Variants in CRYM observed in about 807,000 individuals in gnomAD.
CRYM encodes the protein ketimine reductase mu-crystallin.
CRYM carries 18 observed loss-of-function variants against 32.9 expected under a neutral mutation model. The observed-to-expected ratio is 0.55, with a 90% confidence interval of 0.38 to 0.81. The LOEUF is 0.81. Ranked by LOEUF, CRYM falls within the 30% of genes least tolerant of loss-of-function variation. The probability of loss-of-function intolerance (pLI) is 0.00; values close to 1 mark genes in which losing one functional copy is unlikely to be tolerated. For synonymous variants in CRYM, 153 were observed against 152.4 expected (o/e 1.00, Z -0.03); for missense variants, 337 against 393.5 (o/e 0.86, Z 1.21).
chr16:21,265,671 T>C (rs2093362494), intron 5 of CRYM, among the ~76,000 whole-genome samples: 1 of 152,232 alleles, frequency 6.6e-6, no homozygotes, highest in Admixed American at 6.5e-5. Context: ...TCAGCATGTA[T>C]GATTGAATGC....
At chr16:21,293,476 C>T (rs1431719429) in intron 1 of CRYM, among the ~76,000 whole-genome samples, 1 of 152,136 alleles carries the variant, frequency 6.6e-6, no homozygotes, top group Non-Finnish European at 1.5e-5. Flanking sequence ...AAAAAAATCT[C>T]TGAGAACTAG....
Position 21,267,584 on chromosome 16 carries a change from C to T in CRYM, c.643G>A (p.Glu215Lys). The change falls in exon 5 of 8, where the codon GAA becomes AAA. Residue 215 changes from glutamate (E) to lysine (K), a missense_variant. Physicochemically the swap from Glu to Lys is moderately conservative, Grantham distance 56. Transcript: ENST00000572914. The part of the protein sequence containing the change: ...TLATEPILFG[E>K]WVKPGAHINA... Reference sequence around the variant, plus strand: ...ATGTGAGCCCCTGGCTTCACCCATTCACCAAACAAAATGGGCTCTGTTGCC... The same window carrying T: ...ATGTGAGCCCCTGGCTTCACCCATTTACCAAACAAAATGGGCTCTGTTGCC... The T allele has an allele frequency of 6.2e-7, 1 of 1,614,110 alleles. No homozygotes were observed. The highest frequency in any genetic ancestry group is 8.5e-7 in the Non-Finnish European group (1 of 1,180,030).
intron 1 of CRYM, among the ~76,000 whole-genome samples, chr16:21,290,412 A>C (rs977654466): frequency 2.0e-5 from 3 of 152,116 alleles, no homozygotes; most frequent in African/African-American, 4.8e-5. Context: ...CCACAAACCC[A>C]CTGGAAGGAA....
At chr16:21,269,765 C>G in intron 4 of CRYM, 25 bp downstream of exon 4, 1 of 760,804 alleles carries the variant, frequency 1.3e-6, no homozygotes, top group Non-Finnish European at 2.3e-6. Context: ...TCCCTCTTCT[C>G]TCCCACCCCC....
At chr16:21,290,258 T>C (rs1292106973) in intron 1 of CRYM, among the ~76,000 whole-genome samples, 1 of 152,224 alleles carries the variant, frequency 6.6e-6, no homozygotes, top group Non-Finnish European at 1.5e-5. Flanking sequence ...ACTGTAACAC[T>C]AACCACGAAG....
rs747476127 is a variant in CRYM at position 21,277,588 on chromosome 16, C to A, written c.171-4G>T. ...GGCGGGCATGACCCCCAGGTAGCTACAAGGAGAGAGGGAGCAGCTTCAGCC... is the reference window on the plus strand; with the variant it reads ...GGCGGGCATGACCCCCAGGTAGCTAAAAGGAGAGAGGGAGCAGCTTCAGCC... On this transcript the variant is annotated splice_region_variant and splice_polypyrimidine_tract_variant and intron_variant, in intron 1 of 7. Transcript: ENST00000572914. The surrounding 1 kb of genome is among the most constrained non-coding windows in gnomAD (Gnocchi z 4.2). 3 of 1,613,690 alleles carry A rather than the reference C, an allele frequency of 1.9e-6. No individual in the cohort carries two copies. The highest frequency in any genetic ancestry group is 1.1e-5 in the South Asian group (1 of 91,064).
chr16:21,280,476 T>G (rs1396742903), upstream of CRYM, among the ~76,000 whole-genome samples: 1 of 152,084 alleles, frequency 6.6e-6, no homozygotes, highest in Non-Finnish European at 1.5e-5. Flanking sequence ...AGAAAAACCT[T>G]AAAGACTTAG....
intron 1 of CRYM, among the ~76,000 whole-genome samples, chr16:21,289,995 A>C (rs549916817): frequency 6.7e-6 from 1 of 148,366 alleles, no homozygotes; most frequent in Non-Finnish European, 1.5e-5. Context: ...ACCAATCAGC[A>C]CTCTGTAAAA....
At position 21,270,108 on chromosome 16, in the gene CRYM, G is replaced by A. The variant is rs546007908; in HGVS notation, c.388-217C>T. On this transcript the variant is annotated intron_variant, in intron 3 of 7. Coordinates refer to ENST00000572914, the MANE Select transcript of CRYM (RefSeq NM_001376256.1). ...CACTGAACAGCTAATGTATGCCAAT[G>A]CTTTGCCCCCATGATCTCATTTAGT... 2.0e-5 allele frequency among the ~76,000 whole-genome samples: 3 copies of A among 152,246 alleles called. No homozygotes were observed. The South Asian group carries it at 6.2e-4, about 32-fold the overall frequency.
chr16:21,269,854 A>G lies in CRYM; in HGVS notation c.425T>C (p.Leu142Pro). 1.2e-6 allele frequency: 2 copies of G among 1,610,184 alleles called. No individual in the cohort carries two copies. Residue 142 changes from leucine (L) to proline (P), a missense_variant, in exon 4 of 8, where the codon CTT becomes CCT. Coordinates refer to ENST00000572914, the MANE Select transcript of CRYM (RefSeq NM_001376256.1). ...GCTGTAGGCCTGGACCCCAGCCCCAAGGATGCACAGCACTTCACTGCTGGG... is the reference window on the plus strand; with the variant it reads ...GCTGTAGGCCTGGACCCCAGCCCCAGGGATGCACAGCACTTCACTGCTGGG... Reference protein sequence around the residue: ...KPPSSEVLCILGAGVQAYSHY... With the variant: ...KPPSSEVLCIPGAGVQAYSHY...
intron 3 of CRYM, among the ~76,000 whole-genome samples, chr16:21,271,498 T>C (rs1470198222): frequency 6.6e-6 from 1 of 152,186 alleles, no homozygotes; most frequent in Non-Finnish European, 1.5e-5. Flanking sequence ...AAACAGCATC[T>C]CTGAAATATT....
At chr16:21,276,010 G>A (rs1202061843) in intron 2 of CRYM, among the ~76,000 whole-genome samples, 1 of 152,148 alleles carries the variant, frequency 6.6e-6, no homozygotes, top group Admixed American at 6.5e-5. Flanking sequence ...ACTCTTAGTG[G>A]CTCTCCGTTC....
At chr16:21,264,898 T>A (rs2093361039) in intron 5 of CRYM, among the ~76,000 whole-genome samples, 1 of 152,166 alleles carries the variant, frequency 6.6e-6, no homozygotes, top group African/African-American at 2.4e-5. Context: ...TGCCACACCA[T>A]GGGAGCCTGG....
chr16:21,272,047 A>C (rs1360545680), intron 3 of CRYM, among the ~76,000 whole-genome samples: 1 of 149,926 alleles, frequency 6.7e-6, no homozygotes, highest in African/African-American at 2.5e-5. Flanking sequence ...TTTTTTGGTA[A>C]AGATGGGGTT....
In CRYM at chr16:21,275,588, C is replaced by G. The variant is rs2093384637; in HGVS notation, c.331G>C (p.Asp111His). 6.2e-7 allele frequency: 1 copy of G among 1,613,788 alleles called. No individual in the cohort carries two copies. The highest frequency in any genetic ancestry group is 1.7e-5 in the Admixed American group (1 of 59,990). The change falls in exon 3 of 8, where the codon GAT (aspartate) becomes CAT (histidine). Residue 111 changes from aspartate (D) to histidine (H), a missense_variant. Transcript: ENST00000572914. ...CTCTTTGCAGTTATGACATTTCCAT[C>G]CATGACCTTGGAGGAAAAGAGAGAC... ...PSNGTLLAVM[D>H]GNVITAKRTA...
chr16:21,277,637 C>T lies in CRYM; in HGVS notation c.171-53G>A, dbSNP rs535713596. 21 of 1,601,350 alleles carry T rather than the reference C, an allele frequency of 1.3e-5. No individual in the cohort carries two copies. The East Asian group carries it at 4.5e-4, about 34-fold the overall frequency. ...CCCCTTCCCATCAATGCTGGGGTCT[C>T]TTAGAAAGTATCCATATACTTTCCT... On this transcript the variant is annotated intron_variant, in intron 1 of 7. Transcript: ENST00000572914. This position sits in a 1 kb window ranked among gnomAD's most constrained non-coding sequence, Gnocchi z 4.2.
intron 5 of CRYM, among the ~76,000 whole-genome samples, chr16:21,265,493 C>T (rs1370741084): frequency 6.6e-6 from 1 of 152,180 alleles, no homozygotes; most frequent in African/African-American, 2.4e-5. Flanking sequence ...GGGCCTTGTT[C>T]TTTCCGGTCT....
At chr16:21,278,521 G>A, upstream of CRYM, 1 of 562,516 alleles carries the variant, frequency 1.8e-6, no homozygotes. Context: ...ATATTGTTTG[G>A]TCCACTTTCT....
At chr16:21,264,953 C>T (rs1377120252) in intron 5 of CRYM, among the ~76,000 whole-genome samples, 1 of 152,110 alleles carries the variant, frequency 6.6e-6, no homozygotes, top group Non-Finnish European at 1.5e-5. Context: ...CCGGATGTTG[C>T]CCAATTTCTT....
Sources: gnomAD v4.1 joint callset for allele counts (sites outside exome capture counted in the v4.1 genomes callset) on GRCh38, gnomAD v4.1.1 for gene constraint, Gnocchi (gnomAD v3.1) non-coding constraint, MANE v1.5 for transcripts, NCBI Gene and HGNC (gene_info 2026-07-23, HGNC 2026-07-21) for gene names.